Variants in LDAF1 observed in about 807,000 individuals in gnomAD.
LDAF1 encodes the protein PROMETHIN.
Under a neutral mutation model 13.5 loss-of-function variants are expected in LDAF1, and 7 were observed. The observed-to-expected ratio is 0.52, with a 90% CI of 0.29 to 0.97. The LOEUF is 0.97. LDAF1 is among the 50% of genes least tolerant of loss of function. The probability of loss-of-function intolerance (pLI) is 0.07; values close to 1 mark genes in which losing one functional copy is unlikely to be tolerated. For missense variants in LDAF1, 148 were observed against 193.2 expected (o/e 0.77, Z 1.39); for synonymous variants, 69 against 77.1 (o/e 0.89, Z 0.55).
At chr16:21,166,760 G>T in intron 2 of LDAF1, 1 of 1,205,910 alleles carries the variant, frequency 8.3e-7, no homozygotes. Flanking sequence ...AAAGAAGTCA[G>T]GACCTGAGAC....
At chr16:21,166,886 C>G (rs2093029204) in intron 2 of LDAF1, 2 of 1,535,732 alleles carry the variant, frequency 1.3e-6, no homozygotes, top group Non-Finnish European at 1.7e-6. Context: ...GATGGAGTGT[C>G]CAGGCTGGGC....
In LDAF1 at chr16:21,180,154, G is replaced by A. The variant is rs1164694994; in HGVS notation, c.*598G>A. 1 of 150,052 alleles carries A rather than the reference G, an allele frequency of 6.7e-6. No homozygotes were observed. The highest frequency in any genetic ancestry group is 1.5e-5 in the Non-Finnish European group (1 of 67,792). The allele number at this position is 150,052 out of a possible 1,614,324, so 9.3% of individuals were successfully genotyped here. ...TAACTGTTGAGTACTGTTAAGTACT[G>A]TTAATCTTTTACATATTTGCACTTG... On this transcript the variant is annotated 3_prime_UTR_variant, in exon 5 of 5. Coordinates refer to ENST00000233047, the MANE Select transcript of LDAF1 (RefSeq NM_001301771.2).
At chr16:21,168,768 A>AT (rs1303688703) in intron 2 of LDAF1, among the ~76,000 whole-genome samples, 1 of 132,226 alleles carries the variant, frequency 7.6e-6, no homozygotes, top group African/African-American at 2.9e-5. Context: ...AATTATAAAT[A>AT]TTTTTATATT....
chr16:21,166,197 A>T (rs2093022588), intron 2 of LDAF1, among the ~76,000 whole-genome samples: 1 of 152,154 alleles, frequency 6.6e-6, no homozygotes, highest in Admixed American at 6.6e-5. Context: ...TCAATTTAAC[A>T]CAATATATCC....
At chr16:21,173,949 G>A in intron 3 of LDAF1, 61 bp from the exon 4 acceptor site, 1 of 1,534,120 alleles carries the variant, frequency 6.5e-7, no homozygotes. Context: ...ACTGACCCAG[G>A]GTCTGCCAGT....
At chr16:21,170,029 T>G (rs1423488941) in intron 2 of LDAF1, among the ~76,000 whole-genome samples, 1 of 151,802 alleles carries the variant, frequency 6.6e-6, no homozygotes, top group East Asian at 1.9e-4. Flanking sequence ...CTTGGCTCAC[T>G]GCAACCTCTG....
At chr16:21,177,647 G>A (rs1375764593) in intron 4 of LDAF1, among the ~76,000 whole-genome samples, 2 of 129,096 alleles carry the variant, frequency 1.5e-5, no homozygotes, top group Non-Finnish European at 3.2e-5. Context: ...TTTGAGACGA[G>A]TCTCACTCTC....
At chr16:21,165,747 A>T in intron 2 of LDAF1, 1 of 405,880 alleles carries the variant, frequency 2.5e-6, no homozygotes, top group Non-Finnish European at 3.3e-6. Flanking sequence ...TTTTTTTCCC[A>T]GATGAAATTT....
At chr16:21,170,868 A>G (rs1229425854) in intron 3 of LDAF1, among the ~76,000 whole-genome samples, 3 of 151,906 alleles carry the variant, frequency 2.0e-5, no homozygotes. Context: ...TAAAACATAG[A>G]CTCTGGAGCC....
At chr16:21,159,342 C>G (rs566952870) in intron 1 of LDAF1, 1 of 1,614,116 alleles carries the variant, frequency 6.2e-7, no homozygotes, top group East Asian at 2.2e-5. Context: ...TCACTCCCTT[C>G]CTCCTCTCCT....
intron 2 of LDAF1, among the ~76,000 whole-genome samples, chr16:21,168,902 ATATTTATATT>A (rs923731500): frequency 8.2e-5 from 11 of 134,928 alleles, no homozygotes; most frequent in South Asian, 2.2e-4. Context: ...TTATATTTAT[ATATTTATATT>A]TATTTATATT....
chr16:21,165,287 C>T (rs2093013160), intron 2 of LDAF1, among the ~76,000 whole-genome samples: 1 of 152,124 alleles, frequency 6.6e-6, no homozygotes, highest in Non-Finnish European at 1.5e-5. Flanking sequence ...ATGGTGAAAC[C>T]CCATCTCTAC....
intron 3 of LDAF1, among the ~76,000 whole-genome samples, chr16:21,171,500 G>T (rs1221769390): frequency 2.0e-5 from 3 of 152,190 alleles, no homozygotes; most frequent in Admixed American, 2.0e-4. Flanking sequence ...TTGATAGATA[G>T]ATGGGTGAAT....
At chr16:21,176,819 G>A (rs1383694415) in intron 4 of LDAF1, among the ~76,000 whole-genome samples, 1 of 151,570 alleles carries the variant, frequency 6.6e-6, no homozygotes, top group Non-Finnish European at 1.5e-5. Flanking sequence ...AGGATGGCCT[G>A]AGCCTGGGAG....
intron 4 of LDAF1, chr16:21,177,086 T>A (rs887095369): frequency 6.6e-6 from 1 of 152,190 alleles, no homozygotes; most frequent in African/African-American, 2.4e-5. Context: ...AGTAACTATA[T>A]TTTCCAAAAC....
intron 3 of LDAF1, among the ~76,000 whole-genome samples, chr16:21,172,566 G>A (rs1597557182): frequency 6.6e-6 from 1 of 152,332 alleles, no homozygotes; most frequent in East Asian, 1.9e-4. Context: ...AGTTGAGGCT[G>A]TAGTGAGCTA....
chr16:21,173,814 C>T lies in LDAF1; in HGVS notation c.266-196C>T, dbSNP rs958976686. ...AACGGGAGGGCCAGCCAGTTGTTGC[C>T]ATGGTTTGATGCCCACTCAGGTACC... On this transcript the variant is annotated intron_variant, in intron 3 of 4. Coordinates refer to ENST00000233047, the MANE Select transcript of LDAF1 (RefSeq NM_001301771.2). Among the ~76,000 whole-genome samples the T allele has an allele frequency of 4.9e-4, 74 of 152,160 alleles. 1 individual carries two copies. Among genetic ancestry groups the T allele is most frequent in the African/African-American group, 1.7e-3 (70 of 41,432 alleles).
chr16:21,177,018 CTATT>C (rs1233696119), intron 4 of LDAF1: 1 of 151,902 alleles, frequency 6.6e-6, no homozygotes, highest in Non-Finnish European at 1.5e-5. Flanking sequence ...TTAAAAATAT[CTATT>C]CATTTAAAAG....
chr16:21,161,037 A>C, intron 1 of LDAF1, 48 bp from the exon 2 acceptor site: 1 of 1,421,626 alleles, frequency 7.0e-7, no homozygotes, highest in Non-Finnish European at 9.2e-7. Flanking sequence ...CTCTCGTCGA[A>C]CCAGATGGAT....
Sources: gnomAD v4.1 joint callset for allele counts (sites outside exome capture counted in the v4.1 genomes callset) on GRCh38, gnomAD v4.1.1 for gene constraint, MANE v1.5 for transcripts, NCBI Gene and HGNC (gene_info 2026-07-23, HGNC 2026-07-21) for gene names.